Variants in GABRB1 observed in about 807,000 individuals in gnomAD.
GABRB1 encodes the protein gamma-aminobutyric acid type A receptor subunit beta1.
A neutral mutation model predicts 51.6 loss-of-function variants in GABRB1; 17 were observed. That is an observed-to-expected ratio of 0.33 (90% CI 0.23 to 0.49). The LOEUF (loss-of-function observed/expected upper bound fraction) is 0.49, where lower values mean the gene tolerates loss of function less well. GABRB1 is among the 20% of genes least tolerant of loss of function. GABRB1 has a pLI of 0.99. For synonymous variants in GABRB1, 247 were observed against 218.9 expected, an observed-to-expected ratio of 1.13 and a Z score of -1.14; for missense variants, 410 against 600.6, an observed-to-expected ratio of 0.68 and a Z score of 3.32.
At chr4:47,246,802 T>C (rs1172567844) in intron 4 of GABRB1, among the ~76,000 whole-genome samples, 2 of 152,132 alleles carry the variant, frequency 1.3e-5, no homozygotes, top group Non-Finnish European at 2.9e-5. Flanking sequence ...TTTTTTCATA[T>C]GTTTGTTGGC....
intron 5 of GABRB1, among the ~76,000 whole-genome samples, chr4:47,350,933 G>C (rs564998960): frequency 6.6e-6 from 1 of 152,206 alleles, no homozygotes; most frequent in South Asian, 2.1e-4. Context: ...GGCTTTCACA[G>C]ATAATTTCCT....
chr4:47,152,880 A>G (rs953366815), intron 3 of GABRB1, among the ~76,000 whole-genome samples: 29 of 152,110 alleles, frequency 1.9e-4, no homozygotes, highest in African/African-American at 5.8e-4. Flanking sequence ...CCTTTAGTGG[A>G]GTATTAAGTC....
intron 4 of GABRB1, among the ~76,000 whole-genome samples, chr4:47,277,567 T>G (rs1406315470): frequency 6.6e-6 from 1 of 152,124 alleles, no homozygotes. Context: ...CCAGTCTCCA[T>G]GATGTGTTTA....
At chr4:47,154,686 T>C (rs957085362) in intron 3 of GABRB1, among the ~76,000 whole-genome samples, 2 of 152,050 alleles carry the variant, frequency 1.3e-5, no homozygotes, top group African/African-American at 4.8e-5. Flanking sequence ...GAATTTGGTG[T>C]CAGGATACCA....
rs1212533672 is a variant in GABRB1, at chr4:47,306,398, C to G, written c.462-13729C>G. Among the ~76,000 whole-genome samples, 9 of 144,700 alleles carry G rather than the reference C, an allele frequency of 6.2e-5. No homozygotes were observed. The East Asian group carries it at 1.8e-3, about 29-fold the overall frequency. The allele number at this position is 144,700 out of a possible 152,430, so 94.9% of individuals were successfully genotyped here. Reference sequence around the variant, plus strand: ...AGGTGCGGGGTAGAGATAGAAGGTGCGAAGTAGAGATGGGAGGTGCAGGGT... The same window carrying G: ...AGGTGCGGGGTAGAGATAGAAGGTGGGAAGTAGAGATGGGAGGTGCAGGGT... On this transcript the variant is annotated intron_variant, in intron 4 of 8. Coordinates refer to ENST00000295454, the MANE Select transcript of GABRB1 (RefSeq NM_000812.4).
At chr4:47,348,885 G>A (rs1357531689) in intron 5 of GABRB1, among the ~76,000 whole-genome samples, 1 of 152,184 alleles carries the variant, frequency 6.6e-6, no homozygotes, top group African/African-American at 2.4e-5. Flanking sequence ...GAAATGGAAA[G>A]AAGTAGATGA....
intron 3 of GABRB1, among the ~76,000 whole-genome samples, chr4:47,147,711 G>A (rs9999060): frequency 0.16 from 23,677 of 152,020 alleles, 2,552 homozygotes; most frequent in East Asian, 0.33. Context: ...TGTTCAATAC[G>A]ATTTAGCTAG....
At position 47,031,776 on chromosome 4, in the gene GABRB1, T is replaced by TCTC. The variant is rs754419160; in HGVS notation, c.80+45_80+46insCTC. 3.2e-6 allele frequency: 5 copies of TCTC among 1,541,590 alleles called. No individual in the cohort carries two copies. In the African/African-American group the frequency reaches 5.5e-5, roughly 17 times the overall value. Reference sequence around the variant, plus strand: ...TCTCGCTCTCTCTCTCTCTCTCTCTTTTTTTCTTGGTATGTTTCTTTTTAC... The same window carrying TCTC: ...TCTCGCTCTCTCTCTCTCTCTCTCTTCTCTTTTTCTTGGTATGTTTCTTTTTAC... On this transcript the variant is annotated intron_variant, in intron 1 of 8. Coordinates refer to ENST00000295454, the MANE Select transcript of GABRB1 (RefSeq NM_000812.4).
chr4:47,082,866 A>G (rs1220345850), intron 3 of GABRB1, among the ~76,000 whole-genome samples: 1 of 152,150 alleles, frequency 6.6e-6, no homozygotes, highest in African/African-American at 2.4e-5. Flanking sequence ...TGTCTTATAA[A>G]TAAAGTCATT....
At chr4:47,271,930 A>T (rs1298868189) in intron 4 of GABRB1, among the ~76,000 whole-genome samples, 1 of 152,004 alleles carries the variant, frequency 6.6e-6, no homozygotes, top group Non-Finnish European at 1.5e-5. Flanking sequence ...CAATTAATGA[A>T]GACATGGGTG....
At chr4:47,031,758 C>A in intron 1 of GABRB1, 27 bp downstream of exon 1, 1 of 1,472,258 alleles carries the variant, frequency 6.8e-7, no homozygotes, top group Non-Finnish European at 9.4e-7. Flanking sequence ...GAATCTCGCT[C>A]TCTCTCTCTC....
Position 47,161,335 on chromosome 4 carries a change from C to A in GABRB1, c.327C>A (p.Asp109Glu), listed in dbSNP as rs772192661. ...GAATCCCACTGAACCTCACCCTAGA[C>A]AATAGGGTAGCTGACCAACTCTGGG... Reference protein sequence around the residue: ...YSGIPLNLTLDNRVADQLWVP... With the variant: ...YSGIPLNLTLENRVADQLWVP... Residue 109 changes from aspartate to glutamate, a missense_variant, in exon 4 of 9, where the codon GAC becomes GAA. Physicochemically the swap from Asp to Glu is conservative, Grantham distance 45. Around this residue, in one of 5 missense-constraint regions of GABRB1, gnomAD observed 100 missense variants for 184.3 expected, o/e 0.54. Transcript: ENST00000295454. 2 of 1,611,298 alleles carry A rather than the reference C, an allele frequency of 1.2e-6. No homozygotes were observed. Among genetic ancestry groups the A allele is most frequent in the Non-Finnish European group, 1.7e-6 (2 of 1,178,258 alleles).
In GABRB1 at chr4:47,406,758, A is replaced by G. The variant is rs904539553; in HGVS notation, c.912A>G (p.Lys304=). Residue 304 remains lysine (K), a synonymous_variant, in exon 8 of 9, where the codon AAA becomes AAG. Transcript: ENST00000295454. ...RETLPKIPYV[K]AIDIYLMGCF... The stretch of plus-strand genomic sequence containing the variant: ...CCCTGCCAAAGATCCCTTATGTCAA[A>G]GCGATTGATATTTATCTGATGGGTT... The G allele has an allele frequency of 4.3e-6, 7 of 1,614,022 alleles. No individual in the cohort carries two copies. The highest frequency in any genetic ancestry group is 5.9e-6 in the Non-Finnish European group (7 of 1,180,022).
intron 4 of GABRB1, among the ~76,000 whole-genome samples, chr4:47,300,607 G>C (rs1223077960): frequency 1.3e-5 from 2 of 152,036 alleles, no homozygotes; most frequent in African/African-American, 4.8e-5. Context: ...CATACAATGA[G>C]AGGTAAAGAC....
chr4:47,291,855 CT>C (rs1723749998), intron 4 of GABRB1, among the ~76,000 whole-genome samples: 1 of 152,260 alleles, frequency 6.6e-6, no homozygotes, highest in East Asian at 1.9e-4. Flanking sequence ...AACTAACCTG[CT>C]TTTGATTTTA....
At chr4:47,170,890 T>G (rs1718409943) in intron 4 of GABRB1, among the ~76,000 whole-genome samples, 1 of 152,166 alleles carries the variant, frequency 6.6e-6, no homozygotes, top group Non-Finnish European at 1.5e-5. Flanking sequence ...GTTTCATCAC[T>G]GGAGTAGAGA....
chr4:47,042,441 A>ATATATATATATATAT, intron 3 of GABRB1, among the ~76,000 whole-genome samples: 1 of 117,292 alleles, frequency 8.5e-6, no homozygotes, highest in East Asian at 2.3e-4. Flanking sequence ...TATATATATA[A>ATATATATATATATAT]AATACGTGTG....
intron 4 of GABRB1, among the ~76,000 whole-genome samples, chr4:47,290,716 T>C (rs1357586300): frequency 1.3e-5 from 2 of 152,174 alleles, no homozygotes; most frequent in African/African-American, 4.8e-5. Flanking sequence ...ACTCTTGTTA[T>C]GTTTTAGCAA....
chr4:47,069,663 G>C (rs967301770), intron 3 of GABRB1, among the ~76,000 whole-genome samples: 3 of 151,992 alleles, frequency 2.0e-5, no homozygotes, highest in South Asian at 2.1e-4. Flanking sequence ...GATTAGAAAG[G>C]CCTTCCTCTC....
Sources: allele counts gnomAD v4.1 joint callset (sites outside exome capture counted in the v4.1 genomes callset), GRCh38; gene constraint gnomAD v4.1.1; regional missense constraint gnomAD v4.1.1; transcripts MANE v1.5; gene names NCBI Gene and HGNC (gene_info 2026-07-23, HGNC 2026-07-21).